Variants in STK32A observed in about 807,000 individuals in gnomAD.
STK32A encodes serine/threonine kinase 32A, also known as serine/threonine-protein kinase 32A.
In STK32A, 41 loss-of-function variants were observed where a neutral mutation model predicts 53.2. That is an observed-to-expected ratio of 0.77 (90% CI 0.60 to 1.00). The LOEUF is 1.00. Ranked by LOEUF, STK32A falls within the 50% of genes least tolerant of loss-of-function variation. The probability of loss-of-function intolerance (pLI) is 0.00; values close to 1 mark genes in which losing one functional copy is unlikely to be tolerated. For missense variants in STK32A, 458 were observed against 485.8 expected, an observed-to-expected ratio of 0.94 and a Z score of 0.54; for synonymous variants, 166 against 162.8, an observed-to-expected ratio of 1.02 and a Z score of -0.15.
chr5:147,394,138 A>C, the STK32A span: 1 of 1,612,672 alleles, frequency 6.2e-7, no homozygotes, highest in Non-Finnish European at 8.5e-7. Context: ...AGTTGGAAAT[A>C]AATTCCCAGG....
intron 2 of STK32A, among the ~76,000 whole-genome samples, chr5:147,246,140 G>A (rs1753760923): frequency 6.6e-6 from 1 of 152,096 alleles, no homozygotes; most frequent in South Asian, 2.1e-4. Context: ...AAAAGTTAAA[G>A]GAAAATTTCC....
At chr5:147,375,767 A>C (rs1757208510) in intron 11 of STK32A, 1 of 152,270 alleles carries the variant, frequency 6.6e-6, no homozygotes, top group Admixed American at 6.6e-5. Flanking sequence ...GGCTGAGTTA[A>C]ATTAACTTTG....
chr5:147,246,997 T>A (rs1432119259), intron 2 of STK32A, among the ~76,000 whole-genome samples: 4 of 152,190 alleles, frequency 2.6e-5, no homozygotes, highest in Admixed American at 2.6e-4. Context: ...TAGTTGCTGA[T>A]TATTAAGTAA....
chr5:147,369,560 T>C (rs1469197837), intron 8 of STK32A, among the ~76,000 whole-genome samples: 1 of 152,120 alleles, frequency 6.6e-6, no homozygotes, highest in African/African-American at 2.4e-5. Context: ...AGCTCAGAAA[T>C]TGAGTGGAGA....
chr5:147,337,738 T>C (rs771917487), intron 5 of STK32A, among the ~76,000 whole-genome samples: 1 of 152,126 alleles, frequency 6.6e-6, no homozygotes, highest in Non-Finnish European at 1.5e-5. Flanking sequence ...GAATGAAGCA[T>C]TCTTACAAAG....
intron 7 of STK32A, among the ~76,000 whole-genome samples, chr5:147,352,697 G>A (rs1422544183): frequency 6.6e-6 from 1 of 152,216 alleles, no homozygotes; most frequent in Non-Finnish European, 1.5e-5. Context: ...TTCTTGATTA[G>A]ATATCTGTGT....
chr5:147,364,334 A>G (rs1413478731), intron 8 of STK32A, among the ~76,000 whole-genome samples: 1 of 152,086 alleles, frequency 6.6e-6, no homozygotes, highest in African/African-American at 2.4e-5. Flanking sequence ...CCACTTTATA[A>G]CAAGAATCAC....
At chr5:147,373,619 T>A (rs752222350) in intron 10 of STK32A, among the ~76,000 whole-genome samples, 1 of 152,188 alleles carries the variant, frequency 6.6e-6, no homozygotes, top group Non-Finnish European at 1.5e-5. Flanking sequence ...CTGGGGTTTT[T>A]TTTAAGTTTT....
At chr5:147,274,214 A>G (rs1005532163) in intron 2 of STK32A, among the ~76,000 whole-genome samples, 1 of 152,214 alleles carries the variant, frequency 6.6e-6, no homozygotes. Context: ...TGTGCGAAGC[A>G]GGACTGAGGC....
intron 2 of STK32A, among the ~76,000 whole-genome samples, chr5:147,257,101 A>C (rs1317405488): frequency 6.6e-6 from 1 of 152,188 alleles, no homozygotes; most frequent in African/African-American, 2.4e-5. Flanking sequence ...GTATAGGTTT[A>C]GCTGACAGCT....
intron 2 of STK32A, among the ~76,000 whole-genome samples, chr5:147,241,012 G>A (rs1480914694): frequency 6.6e-6 from 1 of 152,136 alleles, no homozygotes; most frequent in Admixed American, 6.5e-5. Flanking sequence ...AAGAAAGACT[G>A]GGAAATTCAG....
At chr5:147,338,490 G>A (rs1755248844) in intron 5 of STK32A, among the ~76,000 whole-genome samples, 1 of 152,180 alleles carries the variant, frequency 6.6e-6, no homozygotes, top group Admixed American at 6.5e-5. Flanking sequence ...GTGGGGCACT[G>A]CTGTAAAGAT....
chr5:147,248,178 AATAG>A (rs1030187110), intron 2 of STK32A, among the ~76,000 whole-genome samples: 3 of 152,066 alleles, frequency 2.0e-5, no homozygotes, highest in African/African-American at 7.2e-5. Flanking sequence ...GCTATACAAA[AATAG>A]ATAGTGAGTT....
intron 5 of STK32A, among the ~76,000 whole-genome samples, chr5:147,332,711 T>C (rs1032647334): frequency 2.0e-5 from 3 of 152,190 alleles, no homozygotes; most frequent in African/African-American, 7.2e-5. Context: ...GAAGGACCAC[T>C]TGAGCCTCAA....
intron 8 of STK32A, among the ~76,000 whole-genome samples, chr5:147,367,948 C>G (rs1327613740): frequency 6.6e-6 from 1 of 152,222 alleles, no homozygotes; most frequent in Non-Finnish European, 1.5e-5. Flanking sequence ...CAATACAACT[C>G]AAGCACAGAG....
chr5:147,330,988 TAGC>T (rs1168825685), intron 5 of STK32A, among the ~76,000 whole-genome samples: 10 of 152,214 alleles, frequency 6.6e-5, no homozygotes, highest in Admixed American at 6.5e-5. Context: ...TGTACTATCT[TAGC>T]AGTCACATTT....
At chr5:147,363,265 A>G (rs1279041772) in intron 8 of STK32A, among the ~76,000 whole-genome samples, 1 of 152,120 alleles carries the variant, frequency 6.6e-6, no homozygotes, top group Non-Finnish European at 1.5e-5. Flanking sequence ...AGCAAATTCT[A>G]TTATATCTTA....
chr5:147,375,323 G>A, intron 11 of STK32A, 105 bp downstream of exon 11: 1 of 1,421,562 alleles, frequency 7.0e-7, no homozygotes, highest in Non-Finnish European at 9.4e-7. Context: ...TGCTTTTGCT[G>A]CTTAGTGAAA....
At chr5:147,346,338 T>C (rs1421089197) in intron 6 of STK32A, among the ~76,000 whole-genome samples, 1 of 152,192 alleles carries the variant, frequency 6.6e-6, no homozygotes, top group Non-Finnish European at 1.5e-5. Context: ...CTGTGAAGGG[T>C]AACCACCTAT....
Sources: gnomAD v4.1 joint callset for allele counts (sites outside exome capture counted in the v4.1 genomes callset) on GRCh38, gnomAD v4.1.1 for gene constraint, MANE v1.5 for transcripts, NCBI Gene and HGNC (gene_info 2026-07-23, HGNC 2026-07-21) for gene names.